The following ENO3 variants were observed in gnomAD, a reference collection of about 807,000 sequenced individuals.
ENO3 encodes enolase 3, also known as beta-enolase.
ENO3 carries 46 observed loss-of-function variants against 47.7 expected under a neutral mutation model. That is an observed-to-expected ratio of 0.96 (90% CI 0.76 to 1.23). The LOEUF (loss-of-function observed/expected upper bound fraction) is 1.23. ENO3 is among the 50% of genes most tolerant of loss of function. ENO3 has a pLI of 0.00. For missense variants in ENO3, 575 were observed against 566.2 expected (o/e 1.02, Z -0.16); for synonymous variants, 223 against 225.9 (o/e 0.99, Z 0.11).
intron 2 of ENO3, chr17:4,952,341 TA>T: frequency 3.4e-6 from 1 of 297,190 alleles, no homozygotes; most frequent in South Asian, 2.6e-5. Context: ...CACGCCCAGC[TA>T]ATTTTTTTTT....
At position 4,951,898 on chromosome 17, in the gene ENO3, C is replaced by A. The variant is rs1026947207; in HGVS notation, c.69C>A (p.Asp23Glu). The change falls in exon 2 of 12, where the codon GAC becomes GAA. Residue 23 changes from aspartate (D) to glutamate (E), a missense_variant. Asp to Glu is a conservative substitution (Grantham distance 45). Transcript: ENST00000519602. ...DSRGNPTVEV[D>E]LHTAKGRFRA... The stretch of plus-strand genomic sequence containing the variant: ...GGGGCAACCCCACGGTGGAGGTGGA[C>A]CTGCACACGGCCAAGGGTAACACAA... 5.6e-6 allele frequency: 9 copies of A among 1,614,058 alleles called. No individual in the cohort carries two copies. The highest frequency in any genetic ancestry group is 1.6e-4 in the Middle Eastern group (1 of 6,084).
At chr17:4,955,358 G>T (rs774993849) in intron 7 of ENO3, 49 bp from the exon 8 acceptor site, 4 of 1,614,112 alleles carry the variant, frequency 2.5e-6, no homozygotes, top group Non-Finnish European at 3.4e-6. Context: ...AGGGGAGGCT[G>T]CAGACAAGGG....
At chr17:4,950,216 G>A (rs1221691792), upstream of ENO3, 1 of 152,264 alleles carries the variant, frequency 6.6e-6, no homozygotes, top group African/African-American at 2.4e-5. Context: ...AGGAGCTCGG[G>A]GCAGACCCCG....
At chr17:4,948,851 G>A (rs1449438613), upstream of ENO3, 3 of 157,412 alleles carry the variant, frequency 1.9e-5, no homozygotes, top group African/African-American at 7.2e-5. Context: ...GAAGGAAGGA[G>A]AAAGCAGGAG....
Position 4,955,173 on chromosome 17 carries a change from C to T in ENO3, c.543C>T (p.Ala181=), listed in dbSNP as rs1285117272. 1 of 1,614,234 alleles carries T rather than the reference C, an allele frequency of 6.2e-7. No homozygotes were observed. The highest frequency in any genetic ancestry group is 2.2e-5 in the East Asian group (1 of 44,876). The change falls in exon 7 of 12, where the codon GCC becomes GCT. Residue 181 remains alanine (A), a synonymous_variant. Transcript: ENST00000519602. The part of the protein sequence containing the change: ...LPVGASSFKE[A]MRIGAEVYHH... ...TGGGAGCCAGCTCCTTCAAGGAAGC[C>T]ATGCGCATTGGCGCCGAGGTCTACC...
chr17:4,951,805 C>T (rs1971547544), intron 1 of ENO3, 23 bp from the exon 2 acceptor site: 1 of 1,612,136 alleles, frequency 6.2e-7, no homozygotes, highest in South Asian at 1.1e-5. Flanking sequence ...TGTCTACACT[C>T]ACTCACACCT....
chr17:4,953,244 C>T (rs761178397), intron 4 of ENO3, 28 bp from the exon 5 acceptor site: 31 of 1,613,858 alleles, frequency 1.9e-5, no homozygotes, highest in Non-Finnish European at 2.6e-5. Flanking sequence ...CTGACCTCTG[C>T]TCTCCCTTCT....
rs754023017 is a variant in ENO3 at position 4,955,315 on chromosome 17, T to TG, written c.667+24dup. 160 of 1,614,108 alleles carry TG rather than the reference T, an allele frequency of 9.9e-5. 1 individual carries two copies. Among genetic ancestry groups the TG allele is most frequent in the Admixed American group, 5.8e-4 (35 of 60,016 alleles). On this transcript the variant is annotated intron_variant, in intron 7 of 11. Coordinates refer to ENST00000519602, the MANE Select transcript of ENO3 (RefSeq NM_053013.4). The stretch of plus-strand genomic sequence containing the variant: ...CAATGAGGGTCAGTGCTGAGCACCC[T>TG]GGGGGGCAGACCCCCTGGATCTCCA...
upstream of ENO3, chr17:4,950,446 G>A (rs1433084905): frequency 3.1e-5 from 16 of 514,054 alleles, no homozygotes; most frequent in East Asian, 1.6e-3. Context: ...GGGGAAAGGG[G>A]CTCTGACCGA....
At chr17:4,955,373 T>G in intron 7 of ENO3, 34 bp from the exon 8 acceptor site, 1 of 1,614,258 alleles carries the variant, frequency 6.2e-7, no homozygotes, top group Middle Eastern at 1.6e-4. Context: ...CAAGGGGCAC[T>G]GGAGTCTCAG....
At chr17:4,953,978 C>T (rs937047068) in intron 6 of ENO3, 133 bp downstream of exon 6, 2 of 1,376,516 alleles carry the variant, frequency 1.5e-6, no homozygotes, top group Non-Finnish European at 1.0e-6. Flanking sequence ...TTGAATCTCT[C>T]CTGCTGTGGT....
upstream of ENO3, chr17:4,951,039 G>A (rs1597694730): frequency 6.1e-6 from 6 of 986,388 alleles, no homozygotes; most frequent in South Asian, 2.3e-4. Flanking sequence ...GAAGGGGGGA[G>A]GATGGAGAGA....
At chr17:4,955,859 G>T (rs1326901822) in intron 8 of ENO3, 83 bp from the exon 9 acceptor site, 2 of 386,260 alleles carry the variant, frequency 5.2e-6, no homozygotes, top group Admixed American at 9.8e-5. Context: ...CCCTGTCTCT[G>T]CCCTGTCTCT....
rs776189298 is a variant in ENO3, at chr17:4,955,645, G to T, written c.865+41G>T. On this transcript the variant is annotated intron_variant, in intron 8 of 11. Coordinates refer to ENST00000519602, the MANE Select transcript of ENO3 (RefSeq NM_053013.4). ...GTCCCAGTGTTCCTGCCCGAATCCCGTGCAGCTGCCTAATATACTGATTTC... is the reference window on the plus strand; with the variant it reads ...GTCCCAGTGTTCCTGCCCGAATCCCTTGCAGCTGCCTAATATACTGATTTC... 12 of 1,612,228 alleles carry T rather than the reference G, an allele frequency of 7.4e-6. No homozygotes were observed. In the East Asian group the frequency reaches 2.5e-4, roughly 33 times the overall value.
intron 2 of ENO3, among the ~76,000 whole-genome samples, chr17:4,952,508 A>T (rs940278708): frequency 6.6e-6 from 1 of 152,092 alleles, no homozygotes; most frequent in South Asian, 2.1e-4. Context: ...TATTTTTAGT[A>T]GAGATGGGGT....
At chr17:4,950,648 T>C (rs1051611485), upstream of ENO3, 1 of 985,162 alleles carries the variant, frequency 1.0e-6, no homozygotes, top group East Asian at 1.1e-4. Context: ...CCTCTCGCCT[T>C]CTGGGGTGGG....
upstream of ENO3, chr17:4,948,719 G>A (rs574781075): frequency 1.9e-4 from 67 of 347,012 alleles, no homozygotes; most frequent in African/African-American, 1.3e-3. Flanking sequence ...TGCAGAGTTC[G>A]ATGGAAAGCA....
chr17:4,949,850 C>T (rs1352322048), upstream of ENO3, among the ~76,000 whole-genome samples: 1 of 152,082 alleles, frequency 6.6e-6, no homozygotes, highest in Admixed American at 6.5e-5. Flanking sequence ...GACAGCCGCG[C>T]GGCTGAGTCA....
chr17:4,957,008 C>G lies in ENO3; in HGVS notation c.1266C>G (p.Ile422Met). 1 of 1,614,198 alleles carries G rather than the reference C, an allele frequency of 6.2e-7. No individual in the cohort carries two copies. Among genetic ancestry groups the G allele is most frequent in the Non-Finnish European group, 8.5e-7 (1 of 1,180,038 alleles). The part of the protein sequence containing the change: ...RIEEALGDKA[I>M]FAGRKFRNPK... ...AGGAGGCTCTTGGGGACAAGGCAATCTTTGCTGGACGCAAGTTCCGTAACC... is the reference window on the plus strand; with the variant it reads ...AGGAGGCTCTTGGGGACAAGGCAATGTTTGCTGGACGCAAGTTCCGTAACC... Residue 422 changes from isoleucine to methionine, a missense_variant, in exon 12 of 12, where the codon ATC becomes ATG. Coordinates refer to ENST00000519602, the MANE Select transcript of ENO3 (RefSeq NM_053013.4).
Sources: gnomAD v4.1 joint callset for allele counts (sites outside exome capture counted in the v4.1 genomes callset) on GRCh38, gnomAD v4.1.1 for gene constraint, MANE v1.5 for transcripts, NCBI Gene and HGNC (gene_info 2026-07-23, HGNC 2026-07-21) for gene names.